The following CFTR variants were observed in gnomAD, a reference collection of about 807,000 sequenced individuals.
CFTR encodes cystic fibrosis transmembrane conductance regulator.
In CFTR, 181 loss-of-function variants were observed where a neutral mutation model predicts 171.6. That is an observed-to-expected ratio of 1.05 (90% CI 0.93 to 1.19). CFTR has a LOEUF of 1.19. Ranked by LOEUF, CFTR falls within the 50% of genes most tolerant of loss-of-function variation. The pLI is 0.00. For synonymous variants in CFTR, 583 were observed against 608.0 expected (o/e 0.96, Z 0.60); for missense variants, 1,968 against 1,734.7 (o/e 1.13, Z -2.39).
In CFTR at chr7:117,558,502, C is replaced by T. The variant is rs201101281; in HGVS notation, c.1393-962C>T. Among the ~76,000 whole-genome samples the T allele has an allele frequency of 5.0e-4, 76 of 151,606 alleles. 1 individual carries two copies. The highest frequency in any genetic ancestry group is 4.9e-3 in the Admixed American group (75 of 15,210). Reference sequence around the variant, plus strand: ...CCAGGAGGCAGAACTTGCAGTGAGCCGAGATCGCGCCACTGCACTCTAGCC... The same window carrying T: ...CCAGGAGGCAGAACTTGCAGTGAGCTGAGATCGCGCCACTGCACTCTAGCC... On this transcript the variant is annotated intron_variant, in intron 10 of 26. Coordinates refer to ENST00000003084, the MANE Select transcript of CFTR (RefSeq NM_000492.4).
intron 10 of CFTR, among the ~76,000 whole-genome samples, chr7:117,550,759 A>ACAGT (rs1799256129): frequency 6.6e-6 from 1 of 152,198 alleles, no homozygotes; most frequent in Admixed American, 6.5e-5. Context: ...AAAATTGATG[A>ACAGT]GCAGATAATT....
chr7:117,643,486 T>C (rs1399343648), intron 23 of CFTR, among the ~76,000 whole-genome samples: 1 of 152,162 alleles, frequency 6.6e-6, no homozygotes. Context: ...ACAGATTACC[T>C]TGTGGAACAT....
At chr7:117,612,234 T>TACACACACACACACACACACAC (rs112904263) in intron 20 of CFTR, among the ~76,000 whole-genome samples, 3 of 140,844 alleles carry the variant, frequency 2.1e-5, no homozygotes, top group African/African-American at 8.0e-5. Context: ...CATCCGCATT[T>TACACACACACACACACACACAC]ACACACACAC....
At chr7:117,643,135 C>T (rs1196041674) in intron 23 of CFTR, among the ~76,000 whole-genome samples, 1 of 151,826 alleles carries the variant, frequency 6.6e-6, no homozygotes, top group African/African-American at 2.4e-5. Context: ...TATCATTCTA[C>T]GAATTAGAAT....
chr7:117,580,191 CA>C (rs1791829694), intron 11 of CFTR, among the ~76,000 whole-genome samples: 1 of 151,694 alleles, frequency 6.6e-6, no homozygotes, highest in Non-Finnish European at 1.5e-5. Context: ...ACATATGCAG[CA>C]AAAAAGGTTT....
intron 1 of CFTR, among the ~76,000 whole-genome samples, chr7:117,497,664 T>C (rs1320642794): frequency 6.6e-6 from 1 of 152,170 alleles, no homozygotes; most frequent in East Asian, 1.9e-4. Flanking sequence ...ATTCGTATTC[T>C]TCAAGTTGAA....
At chr7:117,565,536 G>A (rs555291120) in intron 11 of CFTR, among the ~76,000 whole-genome samples, 2 of 152,234 alleles carry the variant, frequency 1.3e-5, no homozygotes, top group East Asian at 1.9e-4. Flanking sequence ...GGGGTGCGGG[G>A]TGGAGGGTTG....
At chr7:117,546,880 C>A (rs568249007) in intron 9 of CFTR, among the ~76,000 whole-genome samples, 12 of 152,270 alleles carry the variant, frequency 7.9e-5, no homozygotes, top group African/African-American at 2.2e-4. Flanking sequence ...TACTTACATC[C>A]TTCATAGCCT....
chr7:117,596,256 G>A (rs1228406801), intron 15 of CFTR, among the ~76,000 whole-genome samples: 2 of 152,206 alleles, frequency 1.3e-5, no homozygotes, highest in Admixed American at 6.5e-5. Context: ...GGCCGGCCCC[G>A]CGAGCCCCAG....
At chr7:117,508,312 T>C (rs1457877586) in intron 2 of CFTR, among the ~76,000 whole-genome samples, 1 of 152,182 alleles carries the variant, frequency 6.6e-6, no homozygotes, top group African/African-American at 2.4e-5. Flanking sequence ...TGGCAATAAC[T>C]TAATAAATAC....
intron 24 of CFTR, among the ~76,000 whole-genome samples, chr7:117,661,401 C>A (rs1236637752): frequency 1.3e-5 from 2 of 152,128 alleles, no homozygotes; most frequent in Non-Finnish European, 2.9e-5. Flanking sequence ...AGAATTTCAT[C>A]TGGGGAAAAA....
chr7:117,623,331 C>G (rs2116118335), intron 21 of CFTR, among the ~76,000 whole-genome samples: 1 of 152,352 alleles, frequency 6.6e-6, no homozygotes, highest in Middle Eastern at 3.4e-3. Context: ...CTGCTCTAGA[C>G]AGAGATATCC....
rs972360610 is a variant in CFTR, at chr7:117,668,109, G to A, written c.*1001G>A. The A allele has an allele frequency of 5.3e-5, 8 of 152,152 alleles. No individual in the cohort carries two copies. The highest frequency in any genetic ancestry group is 8.8e-5 in the Non-Finnish European group (6 of 68,030). 9.4% of individuals were successfully genotyped at this position (152,152 alleles called of 1,614,324 possible). The stretch of plus-strand genomic sequence containing the variant: ...ATGGTGGTATGTTTTCAGGCTAGAT[G>A]TATGTACTTCATGCTGTCTACACTA... On this transcript the variant is annotated 3_prime_UTR_variant, in exon 27 of 27. Transcript: ENST00000003084.
intron 10 of CFTR, among the ~76,000 whole-genome samples, chr7:117,551,039 T>G (rs1799260931): frequency 6.6e-6 from 1 of 152,224 alleles, no homozygotes; most frequent in Admixed American, 6.5e-5. Flanking sequence ...GTAATTTGTA[T>G]CAGAAGCTTA....
At chr7:117,662,287 G>T (rs972260150) in intron 24 of CFTR, among the ~76,000 whole-genome samples, 1 of 152,184 alleles carries the variant, frequency 6.6e-6, no homozygotes, top group Non-Finnish European at 1.5e-5. Context: ...TGAATGAATT[G>T]TTGAGGTTGA....
intron 11 of CFTR, among the ~76,000 whole-genome samples, chr7:117,560,337 G>A (rs1276323903): frequency 6.6e-6 from 1 of 152,170 alleles, no homozygotes; most frequent in Non-Finnish European, 1.5e-5. Context: ...TAAATTGTGT[G>A]ATGGTGGGTT....
chr7:117,668,494 C>G lies in CFTR; in HGVS notation c.*1386C>G, dbSNP rs910732740. On this transcript the variant is annotated 3_prime_UTR_variant, in exon 27 of 27. Coordinates refer to ENST00000003084, the MANE Select transcript of CFTR (RefSeq NM_000492.4). Reference sequence around the variant, plus strand: ...TTGCCCACAGCTGTATGATTCCCAGCCAGCACAGCCTCTTAGATGCAGTTC... The same window carrying G: ...TTGCCCACAGCTGTATGATTCCCAGGCAGCACAGCCTCTTAGATGCAGTTC... 6.6e-6 allele frequency: 1 copy of G among 152,590 alleles called. No individual in the cohort carries two copies. Among genetic ancestry groups the G allele is most frequent in the East Asian group, 1.9e-4 (1 of 5,194 alleles). The allele number at this position is 152,590 out of a possible 1,614,324, so 9.5% of individuals were successfully genotyped here.
intron 1 of CFTR, among the ~76,000 whole-genome samples, chr7:117,495,455 C>CA (rs1327151400): frequency 6.6e-6 from 1 of 152,102 alleles, no homozygotes; most frequent in African/African-American, 2.4e-5. Flanking sequence ...AAATCCAAGT[C>CA]ATGTGAGTGA....
intron 21 of CFTR, among the ~76,000 whole-genome samples, chr7:117,618,421 C>A (rs1792526300): frequency 6.6e-6 from 1 of 151,910 alleles, no homozygotes; most frequent in African/African-American, 2.4e-5. Flanking sequence ...GTGGAGGTTT[C>A]AGTGAGCCGA....
Sources: gnomAD v4.1 joint callset for allele counts (sites outside exome capture counted in the v4.1 genomes callset) on GRCh38, gnomAD v4.1.1 for gene constraint, MANE v1.5 for transcripts, NCBI Gene and HGNC (gene_info 2026-07-23, HGNC 2026-07-21) for gene names.